RABEPK: variants seen among roughly 807,000 people sequenced by gnomAD.
RABEPK encodes 40 kDa Rab9 effector protein.
In RABEPK, 27 loss-of-function variants were observed where a neutral mutation model predicts 34.1. That is an observed-to-expected ratio of 0.79 (90% CI 0.58 to 1.09). The LOEUF is 1.09. RABEPK is among the 50% of genes least tolerant of loss of function. The probability of loss-of-function intolerance (pLI) is 0.00; values close to 1 mark genes in which losing one functional copy is unlikely to be tolerated. For missense variants in RABEPK, 449 were observed against 462.6 expected (o/e 0.97, Z 0.27); for synonymous variants, 172 against 169.2 (o/e 1.02, Z -0.13).
intron 7 of RABEPK, among the ~76,000 whole-genome samples, chr9:125,233,048 A>T (rs1211348227): frequency 4.0e-5 from 6 of 150,960 alleles, no homozygotes; most frequent in Non-Finnish European, 8.9e-5. Context: ...ACTGCACTCC[A>T]GCCTGGTGAC....
At chr9:125,215,221 T>C (rs944537622) in intron 4 of RABEPK, among the ~76,000 whole-genome samples, 5 of 151,692 alleles carry the variant, frequency 3.3e-5, no homozygotes, top group African/African-American at 1.2e-4. Flanking sequence ...TTTTTTTGGC[T>C]TTAGCAAAAA....
In RABEPK at chr9:125,200,858, T is replaced by C; in HGVS notation, c.-55T>C. ...AGGTCCCGCCCACGTGAAGCCAGCC[T>C]AACTGAGCTCTGGACTTTGGGGACA... On this transcript the variant is annotated 5_prime_UTR_variant, in exon 1 of 8. It removes the in-frame stop codon of an upstream open reading frame in the 5' UTR. Transcript: ENST00000373538. 4.2e-6 allele frequency: 2 copies of C among 471,208 alleles called. No individual in the cohort carries two copies. The highest frequency in any genetic ancestry group is 8.8e-6 in the Non-Finnish European group (2 of 227,054). 29.2% of individuals were successfully genotyped at this position (471,208 alleles called of 1,614,324 possible). A position where few individuals can be genotyped will look rare whatever the true frequency, so the allele number is the denominator to read the frequency against.
intron 4 of RABEPK, among the ~76,000 whole-genome samples, chr9:125,215,976 C>CA (rs1309986374): frequency 2.0e-5 from 3 of 152,152 alleles, no homozygotes; most frequent in Admixed American, 6.6e-5. Context: ...ATTTGATAGG[C>CA]AAAAAAACTT....
chr9:125,228,673 A>G (rs1263956504), intron 6 of RABEPK, among the ~76,000 whole-genome samples: 2 of 148,186 alleles, frequency 1.3e-5, no homozygotes, highest in Non-Finnish European at 3.0e-5. Flanking sequence ...AAAAAGAAAA[A>G]AAAAAAAAAG....
At chr9:125,228,565 A>G (rs1831936955) in intron 6 of RABEPK, among the ~76,000 whole-genome samples, 1 of 151,716 alleles carries the variant, frequency 6.6e-6, no homozygotes, top group East Asian at 1.9e-4. Flanking sequence ...TGCCTGAGTC[A>G]GGAGAATCGC....
intron 5 of RABEPK, among the ~76,000 whole-genome samples, chr9:125,224,609 C>T (rs1488258930): frequency 2.0e-5 from 3 of 151,958 alleles, no homozygotes; most frequent in African/African-American, 2.4e-5. Flanking sequence ...CATGCCACCA[C>T]GCCTGGCTAA....
At chr9:125,223,047 A>G (rs1404113484) in intron 5 of RABEPK, among the ~76,000 whole-genome samples, 2 of 151,986 alleles carry the variant, frequency 1.3e-5, no homozygotes, top group Non-Finnish European at 1.5e-5. Context: ...TTTGGGAGGC[A>G]GAGGCGGGTG....
At chr9:125,229,497 C>A (rs1832028148) in intron 6 of RABEPK, among the ~76,000 whole-genome samples, 1 of 152,112 alleles carries the variant, frequency 6.6e-6, no homozygotes, top group African/African-American at 2.4e-5. Flanking sequence ...GACCAGCTGG[C>A]AGAATCTTCA....
At chr9:125,214,054 G>A (rs190355869) in intron 4 of RABEPK, among the ~76,000 whole-genome samples, 390 of 151,972 alleles carry the variant, frequency 2.6e-3, no homozygotes, top group Middle Eastern at 6.8e-3. Context: ...CCCGGGAGGC[G>A]GAGATTGCAG....
intron 4 of RABEPK, 102 bp from the exon 5 acceptor site, chr9:125,220,437 C>T: frequency 6.6e-7 from 1 of 1,512,514 alleles, no homozygotes; most frequent in Non-Finnish European, 8.8e-7. Flanking sequence ...GCTGGCCCCC[C>T]TGGGGATTGG....
chr9:125,209,510 G>A (rs1830456529), intron 3 of RABEPK, among the ~76,000 whole-genome samples: 1 of 151,844 alleles, frequency 6.6e-6, no homozygotes, highest in African/African-American at 2.4e-5. Context: ...CCACCAGCCT[G>A]GCTAATTTTT....
intron 3 of RABEPK, among the ~76,000 whole-genome samples, chr9:125,211,101 G>A (rs1385996676): frequency 6.6e-6 from 1 of 151,226 alleles, no homozygotes; most frequent in Non-Finnish European, 1.5e-5. Flanking sequence ...GCCAGGCGTG[G>A]TGGCGGGCGC....
chr9:125,222,550 T>C (rs909258154), intron 5 of RABEPK, among the ~76,000 whole-genome samples: 1 of 151,588 alleles, frequency 6.6e-6, no homozygotes, highest in Non-Finnish European at 1.5e-5. Context: ...TCGTTGCTAC[T>C]AAAAATACAA....
At chr9:125,209,823 A>G (rs528133653) in intron 3 of RABEPK, among the ~76,000 whole-genome samples, 1 of 152,256 alleles carries the variant, frequency 6.6e-6, no homozygotes, top group East Asian at 1.9e-4. Context: ...TTCAGATTTC[A>G]GATTAAATGT....
chr9:125,214,867 C>T (rs1477194368), intron 4 of RABEPK, among the ~76,000 whole-genome samples: 2 of 150,824 alleles, frequency 1.3e-5, no homozygotes, highest in Non-Finnish European at 3.0e-5. Context: ...CTCGGCTCAC[C>T]ACAACCTCTG....
chr9:125,231,372 C>T (rs1832165704), intron 6 of RABEPK, among the ~76,000 whole-genome samples: 1 of 152,180 alleles, frequency 6.6e-6, no homozygotes, highest in African/African-American at 2.4e-5. Flanking sequence ...TAAGGCAGCA[C>T]ATTATCGTGT....
chr9:125,227,190 G>A (rs1831821343), intron 5 of RABEPK, among the ~76,000 whole-genome samples: 1 of 151,786 alleles, frequency 6.6e-6, no homozygotes, highest in African/African-American at 2.4e-5. Flanking sequence ...TAATAATAAT[G>A]ATAATAATAA....
At chr9:125,212,366 C>G (rs1319804258) in intron 3 of RABEPK, among the ~76,000 whole-genome samples, 1 of 152,262 alleles carries the variant, frequency 6.6e-6, no homozygotes, top group Middle Eastern at 3.4e-3. Context: ...ACTACAGGCG[C>G]CTGCCATCGC....
At chr9:125,207,290 T>C (rs555740262) in intron 2 of RABEPK, among the ~76,000 whole-genome samples, 3 of 152,164 alleles carry the variant, frequency 2.0e-5, no homozygotes, top group Admixed American at 1.3e-4. Flanking sequence ...TTTCTGGAGG[T>C]CAGTTTCCCT....
Sources: gnomAD v4.1 joint callset for allele counts (sites outside exome capture counted in the v4.1 genomes callset) on GRCh38, gnomAD v4.1.1 for gene constraint, MANE v1.5 for transcripts, NCBI Gene and HGNC (gene_info 2026-07-23, HGNC 2026-07-21) for gene names.